HDAC9: variants seen among roughly 807,000 people sequenced by gnomAD.
HDAC9 encodes the protein histone deacetylase 9.
HDAC9 carries 41 observed loss-of-function variants against 139.4 expected under a neutral mutation model. The ratio of observed to expected loss-of-function variants is 0.29; its 90% CI spans 0.23 to 0.38. HDAC9 has a LOEUF of 0.38. HDAC9 is among the 10% of genes least tolerant of loss of function. The probability of loss-of-function intolerance (pLI) is 1.00; values close to 1 mark genes in which losing one functional copy is unlikely to be tolerated. For synonymous variants in HDAC9, 517 were observed against 476.2 expected (o/e 1.09, Z -1.12); for missense variants, 1,147 against 1,297.0 (o/e 0.88, Z 1.78).
At chr7:18,708,090 A>G (rs1784073793) in intron 12 of HDAC9, among the ~76,000 whole-genome samples, 1 of 152,178 alleles carries the variant, frequency 6.6e-6, no homozygotes, top group Admixed American at 6.6e-5. Flanking sequence ...CATCGCTTCA[A>G]CTGAAAAATG....
intron 2 of HDAC9, among the ~76,000 whole-genome samples, chr7:18,524,728 A>G (rs989581807): frequency 6.6e-6 from 1 of 152,084 alleles, no homozygotes; most frequent in African/African-American, 2.4e-5. Context: ...GAGAGAGTGA[A>G]TTGGAGTGAG....
chr7:18,717,481 G>A (rs534383101), intron 12 of HDAC9, among the ~76,000 whole-genome samples: 17 of 149,244 alleles, frequency 1.1e-4, no homozygotes, highest in Non-Finnish European at 1.9e-4. Context: ...GCCCAGGCTG[G>A]AGTACAGTGG....
At chr7:18,260,302 C>CT (rs1232603943) in intron 2 of HDAC9, among the ~76,000 whole-genome samples, 17 of 117,044 alleles carry the variant, frequency 1.5e-4, no homozygotes, top group African/African-American at 3.0e-4. Flanking sequence ...GTGACAGACA[C>CT]TTTTTTTTGT....
At chr7:18,829,125 A>G (rs185002259) in intron 17 of HDAC9, 36 bp from the exon 18 acceptor site, 362 of 1,492,932 alleles carry the variant, frequency 2.4e-4, no homozygotes, top group Middle Eastern at 1.7e-3. Flanking sequence ...CCTCTCCATT[A>G]TATCTGACCA....
chr7:18,228,436 C>T lies in HDAC9; in HGVS notation c.25+66087C>T, dbSNP rs138210718. ...AACACAGTTTTACCCATTCAACAAT[C>T]TTGATGTTCACTGTCACTGTGATAA... On this transcript the variant is annotated intron_variant, in intron 2 of 12. Coordinates refer to the HDAC9 transcript ENST00000417496. Among the ~76,000 whole-genome samples, 77 of 152,032 alleles carry T rather than the reference C, an allele frequency of 5.1e-4. 1 individual carries two copies. In the East Asian group the frequency reaches 0.014, roughly 28 times the overall value.
At chr7:18,123,242 G>T (rs1448775383) in intron 1 of HDAC9, among the ~76,000 whole-genome samples, 1 of 152,076 alleles carries the variant, frequency 6.6e-6, no homozygotes, top group Non-Finnish European at 1.5e-5. Context: ...TATCTAAAAT[G>T]GTAAAGGAAC....
intron 25 of HDAC9, among the ~76,000 whole-genome samples, chr7:18,979,449 T>C (rs957299730): frequency 6.6e-6 from 1 of 152,172 alleles, no homozygotes; most frequent in Non-Finnish European, 1.5e-5. Context: ...TTGCACAAAT[T>C]ATTCACCCCT....
At chr7:18,385,324 A>G (rs1785813813) in intron 1 of HDAC9, among the ~76,000 whole-genome samples, 1 of 151,924 alleles carries the variant, frequency 6.6e-6, no homozygotes, top group African/African-American at 2.4e-5. Context: ...TTCTCACAGT[A>G]TGTGTGCTTC....
intron 2 of HDAC9, chr7:18,496,582 T>A: frequency 2.1e-6 from 1 of 472,082 alleles, no homozygotes; most frequent in East Asian, 3.4e-5. Context: ...CTGAGATAAG[T>A]AAAATGTAGT....
chr7:18,256,335 G>C (rs1193133094), intron 2 of HDAC9, among the ~76,000 whole-genome samples: 1 of 152,056 alleles, frequency 6.6e-6, no homozygotes, highest in East Asian at 1.9e-4. Flanking sequence ...TAACATTTGG[G>C]GAATAGCAAA....
intron 13 of HDAC9, among the ~76,000 whole-genome samples, chr7:18,735,687 C>CT (rs1786819426): frequency 6.6e-6 from 1 of 152,124 alleles, no homozygotes; most frequent in Non-Finnish European, 1.5e-5. Flanking sequence ...CAGGTTTGTT[C>CT]TTTTTGCTTA....
chr7:18,381,538 G>T (rs934810349), intron 1 of HDAC9, among the ~76,000 whole-genome samples: 1 of 151,922 alleles, frequency 6.6e-6, no homozygotes, highest in Non-Finnish European at 1.5e-5. Context: ...GCAATGATGG[G>T]ATAAAATATC....
intron 2 of HDAC9, among the ~76,000 whole-genome samples, chr7:18,553,558 T>C (rs1817796178): frequency 6.6e-6 from 1 of 152,188 alleles, no homozygotes; most frequent in Non-Finnish European, 1.5e-5. Context: ...TTTCATAACA[T>C]ATTAGGTGTT....
intron 1 of HDAC9, among the ~76,000 whole-genome samples, chr7:18,342,541 T>A (rs1198693677): frequency 6.6e-6 from 1 of 151,864 alleles, no homozygotes; most frequent in East Asian, 1.9e-4. Context: ...ATTTTTATAT[T>A]ACAAGAAAAA....
At chr7:18,618,307 G>T (rs1839231694) in intron 6 of HDAC9, among the ~76,000 whole-genome samples, 1 of 152,092 alleles carries the variant, frequency 6.6e-6, no homozygotes, top group African/African-American at 2.4e-5. Context: ...ATTTTACTCA[G>T]ATGTTATGGT....
upstream of HDAC9, among the ~76,000 whole-genome samples, chr7:18,287,840 C>T (rs1427881436): frequency 6.6e-6 from 1 of 152,220 alleles, no homozygotes; most frequent in African/African-American, 2.4e-5. Context: ...GAGAGCACTA[C>T]TGGCATTTAG....
intron 11 of HDAC9, among the ~76,000 whole-genome samples, chr7:18,654,861 G>A (rs1054540276): frequency 1.3e-5 from 2 of 152,128 alleles, no homozygotes; most frequent in African/African-American, 4.8e-5. Flanking sequence ...TTTGCACGTG[G>A]ACCTGACGGT....
chr7:18,420,962 C>T (rs1287108919), intron 1 of HDAC9, among the ~76,000 whole-genome samples: 1 of 152,194 alleles, frequency 6.6e-6, no homozygotes, highest in Non-Finnish European at 1.5e-5. Context: ...GAAGTAACAG[C>T]TCATGCAAAG....
intron 1 of HDAC9, among the ~76,000 whole-genome samples, chr7:18,439,798 AAC>A (rs1004076254): frequency 2.0e-5 from 3 of 152,122 alleles, no homozygotes; most frequent in Non-Finnish European, 4.4e-5. Context: ...ACACACACAA[AAC>A]ACATTCAAAT....
Sources: gnomAD v4.1 joint callset for allele counts (sites outside exome capture counted in the v4.1 genomes callset) on GRCh38, gnomAD v4.1.1 for gene constraint, MANE v1.5 for transcripts, NCBI Gene and HGNC (gene_info 2026-07-23, HGNC 2026-07-21) for gene names.